The following KLF8 variants were observed in gnomAD, a reference collection of about 807,000 sequenced individuals.
The protein encoded by KLF8 is KLF transcription factor 8, also known as Krueppel-like factor 8.
A neutral mutation model predicts 18.2 loss-of-function variants in KLF8; 10 were observed. That is an observed-to-expected ratio of 0.55 (90% CI 0.34 to 0.93). The LOEUF (loss-of-function observed/expected upper bound fraction) is 0.93. Ranked by LOEUF, KLF8 falls within the 40% of genes least tolerant of loss-of-function variation. The probability of loss-of-function intolerance (pLI) is 0.02; values close to 1 mark genes in which losing one functional copy is unlikely to be tolerated. For missense variants in KLF8, 264 were observed against 277.9 expected, an observed-to-expected ratio of 0.95 and a Z score of 0.36; for synonymous variants, 109 against 97.3, an observed-to-expected ratio of 1.12 and a Z score of -0.71.
the KLF8 span, among the ~76,000 whole-genome samples, chrX:56,145,581 C>A: frequency 2.7e-5 from 3 of 111,976 alleles, no homozygotes; most frequent in Non-Finnish European, 5.6e-5. Flanking sequence ...AAAAGATAAA[C>A]AAAATGTGAT....
At chrX:56,080,330 G>T in the KLF8 span, among the ~76,000 whole-genome samples, 1 of 111,104 alleles carries the variant, frequency 9.0e-6, no homozygotes, top group Non-Finnish European at 1.9e-5. Flanking sequence ...AGGAGCTCTT[G>T]CAAGGCAGAC....
chrX:56,047,793 G>T, the KLF8 span, among the ~76,000 whole-genome samples: 1 of 111,302 alleles, frequency 9.0e-6, no homozygotes, highest in East Asian at 2.8e-4. Flanking sequence ...TAATGGGATG[G>T]CTGGGTCAAA....
chrX:56,106,430 T>C, the KLF8 span, among the ~76,000 whole-genome samples: 1 of 111,863 alleles, frequency 8.9e-6, no homozygotes, highest in Non-Finnish European at 1.9e-5. Context: ...TACCCCTTTT[T>C]CTCTAAACTT....
chrX:55,926,456 G>T, the KLF8 span, among the ~76,000 whole-genome samples: 21 of 109,904 alleles, frequency 1.9e-4, no homozygotes, highest in Non-Finnish European at 4.0e-4. Flanking sequence ...TATTTATTCA[G>T]AGTCAATTTT....
At chrX:56,109,037 T>A in the KLF8 span, among the ~76,000 whole-genome samples, 1 of 111,700 alleles carries the variant, frequency 9.0e-6, no homozygotes, top group Non-Finnish European at 1.9e-5. Context: ...CATTTCATTG[T>A]CGCCAGAGAT....
chrX:56,153,260 C>T, the KLF8 span, among the ~76,000 whole-genome samples: 1 of 110,111 alleles, frequency 9.1e-6, no homozygotes, highest in Non-Finnish European at 1.9e-5. Flanking sequence ...ACTTGGGAGG[C>T]TAAGTCGGAA....
chrX:55,990,740 T>C, the KLF8 span, among the ~76,000 whole-genome samples: 1 of 112,316 alleles, frequency 8.9e-6, no homozygotes, highest in Non-Finnish European at 1.9e-5. Flanking sequence ...CAGCTGCTGG[T>C]CTGTTGGAGG....
At chrX:55,997,837 AG>A in the KLF8 span, among the ~76,000 whole-genome samples, 1 of 111,451 alleles carries the variant, frequency 9.0e-6, no homozygotes, top group Non-Finnish European at 1.9e-5. Flanking sequence ...GACTTGGAAA[AG>A]AAAAAGACAC....
chrX:56,075,929 A>G, the KLF8 span, among the ~76,000 whole-genome samples: 1 of 111,648 alleles, frequency 9.0e-6, no homozygotes, highest in Non-Finnish European at 1.9e-5. Flanking sequence ...ATGGACGCTT[A>G]CATTGTTTCC....
At chrX:56,188,964 G>T in the KLF8 span, among the ~76,000 whole-genome samples, 1 of 111,594 alleles carries the variant, frequency 9.0e-6, no homozygotes, top group Non-Finnish European at 1.9e-5. Context: ...GCATGGGCAA[G>T]GACTTCATGT....
chrX:56,250,040 T>C (rs1213223461), intron 1 of KLF8, among the ~76,000 whole-genome samples, 191 bp from the exon 2 acceptor site: 1 of 112,024 alleles, frequency 8.9e-6, no homozygotes. Context: ...GGGGAGCAGC[T>C]AATATTATTG....
At chrX:56,203,049 T>C in the KLF8 span, among the ~76,000 whole-genome samples, 1 of 111,665 alleles carries the variant, frequency 9.0e-6, no homozygotes, top group Non-Finnish European at 1.9e-5. Context: ...ACCCAAAATA[T>C]ACAAGTGTTC....
the KLF8 span, among the ~76,000 whole-genome samples, chrX:56,090,398 G>A: frequency 8.1e-5 from 9 of 111,561 alleles, no homozygotes; most frequent in Non-Finnish European, 1.7e-4. Flanking sequence ...CAAGGTAAAA[G>A]ACAAAACATG....
At chrX:56,171,904 G>A in the KLF8 span, among the ~76,000 whole-genome samples, 2 of 110,941 alleles carry the variant, frequency 1.8e-5, no homozygotes, top group Admixed American at 1.9e-4. Context: ...GGAATGGCTG[G>A]GACAAATGGT....
At chrX:56,011,399 A>G in the KLF8 span, among the ~76,000 whole-genome samples, 1 of 112,203 alleles carries the variant, frequency 8.9e-6, no homozygotes, top group East Asian at 2.8e-4. Flanking sequence ...TTAAGGTAGA[A>G]AAGAAGAAGT....
chrX:56,187,250 C>G, the KLF8 span, among the ~76,000 whole-genome samples: 27 of 111,603 alleles, frequency 2.4e-4, no homozygotes, highest in Non-Finnish European at 4.0e-4. Flanking sequence ...AACACCTCTA[C>G]GCAAATAAAC....
the KLF8 span, among the ~76,000 whole-genome samples, chrX:55,933,231 C>A: frequency 9.0e-6 from 1 of 111,595 alleles, no homozygotes; most frequent in African/African-American, 3.3e-5. Flanking sequence ...TTAATTTTAT[C>A]TTTTCCCATA....
chrX:55,941,683 A>T, the KLF8 span, among the ~76,000 whole-genome samples: 2 of 111,829 alleles, frequency 1.8e-5, no homozygotes, highest in Non-Finnish European at 3.8e-5. Context: ...AGAAAAAAAC[A>T]ACCCCAGCAA....
the KLF8 span, among the ~76,000 whole-genome samples, chrX:55,948,921 T>A: frequency 8.9e-6 from 1 of 112,415 alleles, no homozygotes; most frequent in East Asian, 2.8e-4. Context: ...CATTATCTGT[T>A]ATTCTAGCAA....
Sources: allele counts gnomAD v4.1 joint callset (sites outside exome capture counted in the v4.1 genomes callset), GRCh38; gene constraint gnomAD v4.1.1; transcripts MANE v1.5; gene names NCBI Gene and HGNC (gene_info 2026-07-23, HGNC 2026-07-21).